The following DENND5A variants were observed in gnomAD, a reference collection of about 807,000 sequenced individuals.
The protein encoded by DENND5A is DENN domain containing 5A, also known as DENN domain-containing protein 5A.
In DENND5A, 64 loss-of-function variants were observed where a neutral mutation model predicts 140.3. That is an observed-to-expected ratio of 0.46 (90% CI 0.37 to 0.56). The LOEUF is 0.56. Among genes scored for constraint, DENND5A ranks in the 20% least tolerant of loss-of-function variants. The probability of loss-of-function intolerance (pLI) is 0.00; values close to 1 mark genes in which losing one functional copy is unlikely to be tolerated. For missense variants in DENND5A, 1,292 were observed against 1,593.8 expected (o/e 0.81, Z 3.22); for synonymous variants, 605 against 607.7 (o/e 1.00, Z 0.07).
chr11:9,220,550 AAAT>A (rs548747906), intron 1 of DENND5A, among the ~76,000 whole-genome samples: 16 of 150,922 alleles, frequency 1.1e-4, no homozygotes, highest in South Asian at 4.2e-4. Context: ...TCTGTCTCAA[AAAT>A]AATAATAATA....
intron 1 of DENND5A, among the ~76,000 whole-genome samples, chr11:9,251,814 C>T (rs547701326): frequency 2.7e-4 from 41 of 150,290 alleles, no homozygotes; most frequent in African/African-American, 9.1e-4. Flanking sequence ...ACAGTGAAAC[C>T]CCGTCTCTAC....
intron 1 of DENND5A, 142 bp downstream of exon 1, chr11:9,264,819 C>T (rs1157301376): frequency 8.9e-6 from 6 of 674,064 alleles, no homozygotes; most frequent in Admixed American, 5.8e-5. Context: ...AGTCCAAAGC[C>T]CCCTTCGCCC....
At chr11:9,240,356 T>C (rs550392245) in intron 1 of DENND5A, among the ~76,000 whole-genome samples, 8 of 152,054 alleles carry the variant, frequency 5.3e-5, no homozygotes, top group Non-Finnish European at 7.4e-5. Flanking sequence ...GGTTGCACCA[T>C]TGCACTCCAC....
chr11:9,224,665 C>T (rs1024068643), intron 1 of DENND5A, among the ~76,000 whole-genome samples: 4 of 151,938 alleles, frequency 2.6e-5, no homozygotes, highest in Admixed American at 6.6e-5. Context: ...TCGAGACCAG[C>T]CTGACTGACA....
At chr11:9,209,237 T>C (rs777852590) in intron 1 of DENND5A, among the ~76,000 whole-genome samples, 1 of 152,212 alleles carries the variant, frequency 6.6e-6, no homozygotes, top group Non-Finnish European at 1.5e-5. Context: ...TAGGCGTCTA[T>C]GGCCATAACC....
intron 3 of DENND5A, among the ~76,000 whole-genome samples, chr11:9,205,147 T>A (rs1849653828): frequency 6.6e-6 from 1 of 152,184 alleles, no homozygotes; most frequent in Non-Finnish European, 1.5e-5. Flanking sequence ...TAGTAAAACT[T>A]CTTTTCACAT....
At chr11:9,176,708 A>G (rs1031705835) in intron 8 of DENND5A, 5 of 311,154 alleles carry the variant, frequency 1.6e-5, no homozygotes, top group Non-Finnish European at 3.2e-5. Context: ...GGCATCAGAG[A>G]AGGTTTCATA....
intron 10 of DENND5A, among the ~76,000 whole-genome samples, chr11:9,166,834 A>T (rs765603406): frequency 5.3e-5 from 8 of 152,022 alleles, no homozygotes; most frequent in Admixed American, 1.3e-4. Flanking sequence ...TCCATCACAA[A>T]AAATAAATAA....
chr11:9,228,610 GT>G (rs535886721), intron 1 of DENND5A, among the ~76,000 whole-genome samples: 17 of 151,736 alleles, frequency 1.1e-4, no homozygotes, highest in Non-Finnish European at 2.5e-4. Context: ...TTAGCCGGGT[GT>G]GGTGGCATGC....
intron 9 of DENND5A, chr11:9,170,326 T>C (rs370511287): frequency 1.0e-6 from 1 of 977,036 alleles, no homozygotes; most frequent in Non-Finnish European, 1.2e-6. Context: ...ATTTATTAAA[T>C]ACAATGCTAG....
At chr11:9,252,544 G>C (rs1472723000) in intron 1 of DENND5A, among the ~76,000 whole-genome samples, 3 of 152,034 alleles carry the variant, frequency 2.0e-5, no homozygotes, top group Non-Finnish European at 2.9e-5. Context: ...CTACTCAGGA[G>C]GCTGAGGCAG....
chr11:9,217,153 T>C (rs1363088884), intron 1 of DENND5A, among the ~76,000 whole-genome samples: 5 of 152,246 alleles, frequency 3.3e-5, no homozygotes, highest in Non-Finnish European at 7.3e-5. Flanking sequence ...TGTTACATGC[T>C]ACAACACAGA....
chr11:9,242,954 G>A (rs1380288736), intron 1 of DENND5A: 1 of 151,960 alleles, frequency 6.6e-6, no homozygotes, highest in Non-Finnish European at 1.5e-5. Flanking sequence ...CAGGCGTGGT[G>A]GCACTCACCT....
chr11:9,151,363 TAC>T (rs768056369), intron 13 of DENND5A, among the ~76,000 whole-genome samples: 24 of 152,232 alleles, frequency 1.6e-4, no homozygotes, highest in Non-Finnish European at 3.5e-4. Flanking sequence ...AATTTTTGGC[TAC>T]AGTTTATTCC....
At chr11:9,169,754 T>C (rs1848310098) in intron 10 of DENND5A, 102 bp downstream of exon 10, 4 of 766,976 alleles carry the variant, frequency 5.2e-6, no homozygotes, top group Admixed American at 4.0e-5. Flanking sequence ...GGTGAGGTCA[T>C]TGCTGAGACG....
In DENND5A at chr11:9,264,758, G is replaced by A. The variant is rs141689753; in HGVS notation, c.109+203C>T. Among the ~76,000 whole-genome samples, 833 of 152,260 alleles carry A rather than the reference G, an allele frequency of 5.5e-3. 11 individuals carry two copies. Among genetic ancestry groups the A allele is most frequent in the African/African-American group, 0.019 (782 of 41,564 alleles). ...AGACGTGGCCACTGCGCAGCGGGCC[G>A]TAGGTTTGGACCCCTCATGGCTCAG... On this transcript the variant is annotated intron_variant, in intron 1 of 22. Coordinates refer to ENST00000328194, the MANE Select transcript of DENND5A (RefSeq NM_015213.4).
intron 1 of DENND5A, among the ~76,000 whole-genome samples, chr11:9,243,059 G>C (rs1277425981): frequency 1.5e-5 from 2 of 133,758 alleles, no homozygotes; most frequent in African/African-American, 5.6e-5. Flanking sequence ...CTGCACTCCA[G>C]CCTGGGCGAC....
chr11:9,250,664 A>G (rs1310071122), intron 1 of DENND5A, among the ~76,000 whole-genome samples: 1 of 152,264 alleles, frequency 6.6e-6, no homozygotes, highest in African/African-American at 2.4e-5. Context: ...AAAAAATTAA[A>G]AATCATTTAA....
intron 18 of DENND5A, among the ~76,000 whole-genome samples, chr11:9,144,561 C>T (rs1305553061): frequency 2.0e-5 from 3 of 152,088 alleles, no homozygotes; most frequent in Non-Finnish European, 4.4e-5. Flanking sequence ...GAGGCCGAGG[C>T]GGCCGGATCA....
Sources: gnomAD v4.1 joint callset for allele counts (sites outside exome capture counted in the v4.1 genomes callset) on GRCh38, gnomAD v4.1.1 for gene constraint, MANE v1.5 for transcripts, NCBI Gene and HGNC (gene_info 2026-07-23, HGNC 2026-07-21) for gene names.